YEATS2: variants seen among roughly 807,000 people sequenced by gnomAD.
The protein encoded by YEATS2 is YEATS domain-containing protein 2.
A neutral mutation model predicts 163.2 loss-of-function variants in YEATS2; 77 were observed. The observed-to-expected ratio is 0.47, with a 90% CI of 0.39 to 0.57. The LOEUF (loss-of-function observed/expected upper bound fraction) is 0.57. YEATS2 is among the 20% of genes least tolerant of loss of function. The probability of loss-of-function intolerance (pLI) is 0.00; values close to 1 mark genes in which losing one functional copy is unlikely to be tolerated. For missense variants in YEATS2, 1,549 were observed against 1,729.8 expected, an observed-to-expected ratio of 0.90 and a Z score of 1.85; for synonymous variants, 631 against 645.1, an observed-to-expected ratio of 0.98 and a Z score of 0.33.
intron 19 of YEATS2, among the ~76,000 whole-genome samples, chr3:183,778,111 C>CA (rs569250141): frequency 0.22 from 12,142 of 55,650 alleles, 847 homozygotes; most frequent in Non-Finnish European, 0.25. Context: ...GATTCTGTCT[C>CA]AAAAAAAAAA....
Position 183,762,110 on chromosome 3 carries a change from A to G in YEATS2, c.1778A>G (p.Gln593Arg). The G allele has an allele frequency of 8.1e-6, 13 of 1,614,176 alleles. No homozygotes were observed. Among genetic ancestry groups the G allele is most frequent in the Middle Eastern group, 1.7e-4 (1 of 6,060 alleles). ...LGAFTKVIIKQEPGEAPHVPA... is the reference protein window; with the variant it reads ...LGAFTKVIIKREPGEAPHVPA... ...GTTTGTTGCAAGGTGATCATCAAAC[A>G]GGAACCTGGTGAAGCCCCTCACGTG... The change falls in exon 15 of 31, where the codon CAG (glutamine) becomes CGG (arginine). Residue 593 changes from glutamine to arginine, a missense_variant. Transcript: ENST00000305135.
chr3:183,751,846 A>G (rs1720197794), intron 9 of YEATS2, among the ~76,000 whole-genome samples: 1 of 152,222 alleles, frequency 6.6e-6, no homozygotes, highest in Non-Finnish European at 1.5e-5. Context: ...AATTTCACTG[A>G]GATTTGTATG....
intron 1 of YEATS2, among the ~76,000 whole-genome samples, chr3:183,700,442 G>A (rs930631905): frequency 1.3e-5 from 2 of 152,082 alleles, no homozygotes; most frequent in South Asian, 4.2e-4. Context: ...TCATTGCCAC[G>A]TTCTTGGATT....
At chr3:183,801,666 G>A in intron 25 of YEATS2, 138 bp downstream of exon 25, 2 of 588,440 alleles carry the variant, frequency 3.4e-6, no homozygotes, top group Admixed American at 7.5e-5. Context: ...TAGAGATACA[G>A]CCCATTTGCA....
intron 7 of YEATS2, among the ~76,000 whole-genome samples, chr3:183,733,955 G>A (rs1718077000): frequency 6.6e-6 from 1 of 152,094 alleles, no homozygotes; most frequent in African/African-American, 2.4e-5. Flanking sequence ...AAACCAAAAA[G>A]GTCTTCCTGC....
chr3:183,810,708 G>A lies in YEATS2; in HGVS notation c.*125G>A. On this transcript the variant is annotated 3_prime_UTR_variant, in exon 31 of 31. Transcript: ENST00000305135. ...GGCATGTCATGGCTACCCAACCTTT[G>A]CCGCTGCCTGTTCCCACGTGTCACC... 1.3e-6 allele frequency: 1 copy of A among 794,708 alleles called. No individual in the cohort carries two copies. 49.2% of individuals were successfully genotyped at this position (794,708 alleles called of 1,614,324 possible). A position where few individuals can be genotyped will look rare whatever the true frequency, so the allele number is the denominator to read the frequency against.
intron 21 of YEATS2, chr3:183,793,537 G>T: frequency 1.4e-6 from 1 of 711,190 alleles, no homozygotes; most frequent in Non-Finnish European, 1.7e-6. Context: ...AATAGATGAA[G>T]TCTCCCTGCT....
chr3:183,705,375 C>T (rs1714516642), intron 1 of YEATS2, among the ~76,000 whole-genome samples: 1 of 152,100 alleles, frequency 6.6e-6, no homozygotes, highest in Non-Finnish European at 1.5e-5. Context: ...TATAAATTGT[C>T]TTAATCTTTT....
Position 183,798,944 on chromosome 3 carries a change from C to G in YEATS2, c.3280C>G (p.Pro1094Ala). ...KPPAILPVAA[P>A]TPVVPSSAPA... is the part of the protein sequence containing the mutation. ...ACCTGCCATTCTGCCTGTAGCTGCC[C>G]CAACTCCAGTTGTCCCCAGCTCTGC... The change falls in exon 23 of 31, where the codon CCA becomes GCA. Residue 1094 changes from proline to alanine, a missense_variant. Physicochemically the swap from Pro to Ala is conservative, Grantham distance 27. Coordinates refer to ENST00000305135, the MANE Select transcript of YEATS2 (RefSeq NM_018023.5). The G allele has an allele frequency of 6.2e-7, 1 of 1,614,182 alleles. No individual in the cohort carries two copies. Among genetic ancestry groups the G allele is most frequent in the Non-Finnish European group, 8.5e-7 (1 of 1,180,022 alleles).
intron 12 of YEATS2, among the ~76,000 whole-genome samples, chr3:183,757,435 C>A (rs570383680): frequency 1.3e-5 from 2 of 152,070 alleles, no homozygotes; most frequent in South Asian, 4.2e-4. Context: ...GAATTACAGG[C>A]GTGCACCACC....
At chr3:183,759,775 C>T (rs1384451032) in intron 13 of YEATS2, among the ~76,000 whole-genome samples, 6 of 152,212 alleles carry the variant, frequency 3.9e-5, no homozygotes, top group African/African-American at 1.2e-4. Flanking sequence ...ACCCACCATA[C>T]GGTGAAAGTG....
intron 8 of YEATS2, among the ~76,000 whole-genome samples, chr3:183,744,432 T>C (rs949169195): frequency 4.6e-5 from 7 of 152,090 alleles, no homozygotes; most frequent in African/African-American, 1.7e-4. Flanking sequence ...TACTTTCTTT[T>C]AATCTTATTT....
At chr3:183,776,433 A>G (rs1006897330) in intron 18 of YEATS2, among the ~76,000 whole-genome samples, 2 of 151,718 alleles carry the variant, frequency 1.3e-5, no homozygotes, top group Admixed American at 1.3e-4. Flanking sequence ...AGTCCCAGCT[A>G]CTCCGAAGGT....
intron 15 of YEATS2, among the ~76,000 whole-genome samples, chr3:183,769,285 T>TTC (rs3043152): frequency 0.98 from 149,282 of 152,260 alleles, 73,210 homozygotes; most frequent in East Asian, 1. Context: ...CAAGATTAAT[T>TTC]TGTTTCACCT....
chr3:183,803,058 T>G lies in YEATS2; in HGVS notation c.3503-198T>G, dbSNP rs747343961. On this transcript the variant is annotated intron_variant, in intron 25 of 30. Transcript: ENST00000305135. Reference sequence around the variant, plus strand: ...AAGCAAAGTGCCCAGGAAGGTGTGTTGCTTTGAGTACACACGGCAAGACAC... The same window carrying G: ...AAGCAAAGTGCCCAGGAAGGTGTGTGGCTTTGAGTACACACGGCAAGACAC... The G allele has an allele frequency of 1.0e-5, 6 of 593,504 alleles. No individual in the cohort carries two copies. The East Asian group carries it at 1.4e-4, about 14-fold the overall frequency. 36.8% of individuals were successfully genotyped at this position (593,504 alleles called of 1,614,324 possible). A position where few individuals can be genotyped will look rare whatever the true frequency, so the allele number is the denominator to read the frequency against.
Position 183,714,441 on chromosome 3 carries a change from C to T in YEATS2, c.-19-703C>T, listed in dbSNP as rs570786171. Among the ~76,000 whole-genome samples the T allele has an allele frequency of 6.2e-3, 944 of 151,940 alleles. 6 individuals carry two copies. Among genetic ancestry groups the T allele is most frequent in the Non-Finnish European group, 0.011 (742 of 67,944 alleles). On this transcript the variant is annotated intron_variant, in intron 1 of 30. Transcript: ENST00000305135. Reference sequence around the variant, plus strand: ...TCAATCTCCTGACCTCGTGATCCGCCCACCTCGGCCTCCCAAAGTGCTGGG... The same window carrying T: ...TCAATCTCCTGACCTCGTGATCCGCTCACCTCGGCCTCCCAAAGTGCTGGG...
chr3:183,779,760 C>T (rs955522361), intron 19 of YEATS2, among the ~76,000 whole-genome samples: 1 of 151,946 alleles, frequency 6.6e-6, no homozygotes, highest in Non-Finnish European at 1.5e-5. Context: ...TGCAGTGGCA[C>T]GATCTCGGCT....
In YEATS2 at chr3:183,716,442, A is replaced by G. The variant is rs575058570; in HGVS notation, c.100+1180A>G. On this transcript the variant is annotated intron_variant, in intron 2 of 30. Coordinates refer to ENST00000305135, the MANE Select transcript of YEATS2 (RefSeq NM_018023.5). ...AGAAAATTCCTATTTCTGTAAGAGC[A>G]GTGAAGTCCTACGTATCCCCAGAAA... is the stretch of plus-strand genomic sequence containing the variant. 3.3e-5 allele frequency among the ~76,000 whole-genome samples: 5 copies of G among 152,332 alleles called. No individual in the cohort carries two copies. The East Asian group carries it at 5.8e-4, about 18-fold the overall frequency.
At chr3:183,701,774 T>TA (rs1434759428) in intron 1 of YEATS2, among the ~76,000 whole-genome samples, 2 of 152,158 alleles carry the variant, frequency 1.3e-5, no homozygotes, top group African/African-American at 4.8e-5. Flanking sequence ...AATTAAAACT[T>TA]AAAAACAAAA....
Sources: gnomAD v4.1 joint callset for allele counts (sites outside exome capture counted in the v4.1 genomes callset) on GRCh38, gnomAD v4.1.1 for gene constraint, MANE v1.5 for transcripts, NCBI Gene and HGNC (gene_info 2026-07-23, HGNC 2026-07-21) for gene names.